The following TCF12 variants were observed in gnomAD, a reference collection of about 807,000 sequenced individuals.
The protein encoded by TCF12 is transcription factor 12.
Under a neutral mutation model 86.0 loss-of-function variants are expected in TCF12, and 45 were observed. That is an observed-to-expected ratio of 0.52 (90% CI 0.41 to 0.67). TCF12 has a LOEUF of 0.67. Among genes scored for constraint, TCF12 ranks in the 30% least tolerant of loss-of-function variants. The pLI, the probability that TCF12 is intolerant of heterozygous loss-of-function variation, is 0.00. For synonymous variants in TCF12, 330 were observed against 299.6 expected (o/e 1.10, Z -1.05); for missense variants, 881 against 859.9 (o/e 1.02, Z -0.31).
At chr15:57,187,507 G>C (rs1048258946) in intron 6 of TCF12, among the ~76,000 whole-genome samples, 2 of 152,048 alleles carry the variant, frequency 1.3e-5, no homozygotes, top group African/African-American at 4.8e-5. Flanking sequence ...TAGCTGATGA[G>C]CAAAAAAATA....
intron 6 of TCF12, among the ~76,000 whole-genome samples, chr15:57,179,521 C>A (rs1433941380): frequency 6.6e-6 from 1 of 151,896 alleles, no homozygotes; most frequent in Non-Finnish European, 1.5e-5. Context: ...CACAGCAAGA[C>A]TCCATCTCAA....
intron 5 of TCF12, among the ~76,000 whole-genome samples, chr15:57,117,039 A>G (rs1222490301): frequency 6.6e-6 from 1 of 151,866 alleles, no homozygotes; most frequent in African/African-American, 2.4e-5. Flanking sequence ...ACTTTTGTTT[A>G]TGAGGAAAAA....
chr15:57,013,048 ATG>A (rs1236330969), intron 3 of TCF12, among the ~76,000 whole-genome samples: 1 of 148,074 alleles, frequency 6.8e-6, no homozygotes, highest in Non-Finnish European at 1.5e-5. Context: ...TTTTTTTTTT[ATG>A]TGTGTGAAAC....
At chr15:57,185,028 A>G (rs551567968) in intron 6 of TCF12, among the ~76,000 whole-genome samples, 8 of 152,228 alleles carry the variant, frequency 5.3e-5, no homozygotes, top group Admixed American at 5.2e-4. Flanking sequence ...AATGTACCAA[A>G]TGTTGTATCT....
In TCF12 at chr15:57,285,650, C is replaced by A. The variant is rs186985793; in HGVS notation, c.*12-507C>A. 2.6e-5 allele frequency among the ~76,000 whole-genome samples: 4 copies of A among 152,324 alleles called. No homozygotes were observed. In the East Asian group the frequency reaches 7.7e-4, roughly 29 times the overall value. On this transcript the variant is annotated intron_variant, in intron 20 of 20. Transcript: ENST00000333725. ...TCACTACTGAGGAATGAATGAGTAG[C>A]ACCTCAGAGCTCAGTTATTGCCAAC...
intron 3 of TCF12, among the ~76,000 whole-genome samples, chr15:57,046,336 A>AT (rs1246818082): frequency 6.6e-6 from 1 of 152,248 alleles, no homozygotes; most frequent in African/African-American, 2.4e-5. Context: ...AGTTCACTAT[A>AT]TTCTACTTTC....
intron 3 of TCF12, among the ~76,000 whole-genome samples, chr15:57,007,786 CT>C (rs1300537173): frequency 4.2e-5 from 1 of 23,916 alleles, no homozygotes; most frequent in Non-Finnish European, 1.3e-4. Flanking sequence ...TTCTTTCTTT[CT>C]TTCTCTCTTT....
Position 57,063,790 on chromosome 15 carries a change from T to A in TCF12, c.189T>A (p.Ser63Arg). ...GAGGTACAACATCTTGGGGAACAAGTGGTCAACCAAGTCCTTCCTATGATT... is the reference window on the plus strand; with the variant it reads ...GAGGTACAACATCTTGGGGAACAAGAGGTCAACCAAGTCCTTCCTATGATT... ...ERGGTTSWGTSGQPSPSYDSS... is the reference protein window; with the variant it reads ...ERGGTTSWGTRGQPSPSYDSS... The change falls in exon 4 of 21, where the codon AGT becomes AGA. Residue 63 changes from serine (S) to arginine (R), a missense_variant. By Grantham distance (110) the Ser-to-Arg change is moderately radical (BLOSUM62 -1). Transcript: ENST00000333725. The A allele has an allele frequency of 1.2e-6, 2 of 1,603,248 alleles. No individual in the cohort carries two copies. The highest frequency in any genetic ancestry group is 1.7e-4 in the Middle Eastern group (1 of 6,026).
intron 3 of TCF12, among the ~76,000 whole-genome samples, chr15:57,041,620 A>G (rs543273023): frequency 7.5e-4 from 114 of 152,336 alleles, no homozygotes; most frequent in South Asian, 1.2e-3. Flanking sequence ...AACAGAATGC[A>G]GGGTCCAAAG....
At chr15:56,945,505 A>AT (rs1421183752) in intron 3 of TCF12, among the ~76,000 whole-genome samples, 2 of 151,706 alleles carry the variant, frequency 1.3e-5, no homozygotes, top group African/African-American at 4.8e-5. Flanking sequence ...TTTGAAGGAT[A>AT]TTTTTGCTAG....
chr15:57,056,494 T>G (rs1250549135), intron 3 of TCF12, among the ~76,000 whole-genome samples: 3 of 152,184 alleles, frequency 2.0e-5, no homozygotes, highest in African/African-American at 7.2e-5. Flanking sequence ...AATCTCGTTC[T>G]GTCACCAAAG....
chr15:56,929,540 G>A (rs1267941494), intron 3 of TCF12, among the ~76,000 whole-genome samples: 5 of 151,810 alleles, frequency 3.3e-5, no homozygotes, highest in African/African-American at 1.2e-4. Flanking sequence ...GGTTAAAAAT[G>A]TGCTCTCATA....
Position 57,253,023 on chromosome 15 carries a change from T to C in TCF12, c.1261-239T>C, listed in dbSNP as rs560742593. Among the ~76,000 whole-genome samples, 87 of 151,916 alleles carry C rather than the reference T, an allele frequency of 5.7e-4. 1 individual carries two copies. In the South Asian group the frequency reaches 0.018, roughly 31 times the overall value. ...CTAAAAGAAATAACCTCATGGTAGT[T>C]TGGTAAATTCGTTTTATAAAGCAGT... On this transcript the variant is annotated intron_variant, in intron 15 of 20. Coordinates refer to ENST00000333725, the MANE Select transcript of TCF12 (RefSeq NM_207037.2).
intron 3 of TCF12, among the ~76,000 whole-genome samples, chr15:56,928,129 C>A (rs532563253): frequency 5.3e-5 from 8 of 152,250 alleles, no homozygotes; most frequent in African/African-American, 1.9e-4. Flanking sequence ...CGATGACTTG[C>A]AGCTTACTAG....
intron 3 of TCF12, among the ~76,000 whole-genome samples, chr15:57,020,290 A>G (rs1411224965): frequency 2.0e-5 from 3 of 152,186 alleles, no homozygotes; most frequent in Non-Finnish European, 4.4e-5. Context: ...ACAGAAGCAA[A>G]TGTACTGAGC....
rs539279358 is a variant in TCF12, at chr15:56,995,835, G to A, written c.149-67915G>A. On this transcript the variant is annotated intron_variant, in intron 3 of 20. Transcript: ENST00000333725. ...AGGACTTCCAGTACTACATTGAATAGAAGTGCTAAGAGAGGCATCCTTGTT... is the reference window on the plus strand; with the variant it reads ...AGGACTTCCAGTACTACATTGAATAAAAGTGCTAAGAGAGGCATCCTTGTT... Among the ~76,000 whole-genome samples the A allele has an allele frequency of 5.3e-5, 8 of 152,258 alleles. No homozygotes were observed. The East Asian group carries it at 9.6e-4, about 18-fold the overall frequency.
intron 3 of TCF12, among the ~76,000 whole-genome samples, chr15:56,956,270 G>A (rs1384161127): frequency 2.0e-5 from 3 of 150,924 alleles, no homozygotes; most frequent in African/African-American, 4.9e-5. Flanking sequence ...TTTTTATCTC[G>A]TGTGTTCTTT....
At chr15:57,007,402 T>C (rs2064445987) in intron 3 of TCF12, among the ~76,000 whole-genome samples, 1 of 152,208 alleles carries the variant, frequency 6.6e-6, no homozygotes, top group African/African-American at 2.4e-5. Flanking sequence ...TTGACGTGTA[T>C]TCTGTTTGAG....
intron 6 of TCF12, among the ~76,000 whole-genome samples, chr15:57,186,515 C>G (rs1251987515): frequency 6.6e-6 from 1 of 151,974 alleles, no homozygotes; most frequent in Non-Finnish European, 1.5e-5. Context: ...AAAGAAAAGT[C>G]CAGGACCAAA....
Sources: allele counts gnomAD v4.1 joint callset (sites outside exome capture counted in the v4.1 genomes callset), GRCh38; gene constraint gnomAD v4.1.1; transcripts MANE v1.5; gene names NCBI Gene and HGNC (gene_info 2026-07-23, HGNC 2026-07-21).